Variants in ANKRD44 observed in about 807,000 individuals in gnomAD.
ANKRD44 encodes the protein ankyrin repeat domain 44.
Under a neutral mutation model 116.0 loss-of-function variants are expected in ANKRD44, and 35 were observed. The observed-to-expected ratio is 0.30, with a 90% CI of 0.23 to 0.40. The LOEUF (loss-of-function observed/expected upper bound fraction) is 0.40, where lower values mean the gene tolerates loss of function less well. Ranked by LOEUF, ANKRD44 falls within the 10% of genes least tolerant of loss-of-function variation. ANKRD44 has a pLI of 1.00. For missense variants in ANKRD44, 1,014 were observed against 1,242.6 expected (o/e 0.82, Z 2.77); for synonymous variants, 435 against 461.8 (o/e 0.94, Z 0.74).
intron 10 of ANKRD44, 92 bp from the exon 11 acceptor site, chr2:197,090,124 T>A: frequency 1.0e-6 from 1 of 961,380 alleles, no homozygotes; most frequent in Non-Finnish European, 1.7e-6. Context: ...TGATGAAAAT[T>A]AACAACACCT....
chr2:196,987,192 G>GT lies in ANKRD44; in HGVS notation c.*2398dup. 1.0e-6 allele frequency: 1 copy of GT among 985,280 alleles called. No individual in the cohort carries two copies. Among genetic ancestry groups the GT allele is most frequent in the East Asian group, 1.1e-4 (1 of 8,818 alleles). 61.0% of individuals were successfully genotyped at this position (985,280 alleles called of 1,614,324 possible). A position where few individuals can be genotyped will look rare whatever the true frequency, so the allele number is the denominator to read the frequency against. ...ATACTGACCTATGGTTTATAGTTTC[G>GT]TAAGACGAAAGCATTTTAGCACTGC... On this transcript the variant is annotated 3_prime_UTR_variant, in exon 28 of 28. Coordinates refer to ENST00000282272, the MANE Select transcript of ANKRD44 (RefSeq NM_001195144.2).
intron 9 of ANKRD44, among the ~76,000 whole-genome samples, chr2:197,103,097 A>G (rs911534369): frequency 2.0e-5 from 3 of 152,070 alleles, no homozygotes; most frequent in Non-Finnish European, 4.4e-5. Flanking sequence ...GCATGGTGGC[A>G]GACACCTGTA....
chr2:197,019,192 G>A (rs2076448711), intron 17 of ANKRD44, among the ~76,000 whole-genome samples: 1 of 152,212 alleles, frequency 6.6e-6, no homozygotes. Flanking sequence ...GAGCTATGAA[G>A]CGAGAAGGTA....
chr2:197,139,347 G>A (rs528039035), intron 3 of ANKRD44, among the ~76,000 whole-genome samples: 1 of 152,326 alleles, frequency 6.6e-6, no homozygotes, highest in African/African-American at 2.4e-5. Context: ...GGAACAGACT[G>A]AAGTTCTGTA....
intron 1 of ANKRD44, among the ~76,000 whole-genome samples, chr2:197,275,273 C>T (rs1348099366): frequency 2.0e-5 from 3 of 151,826 alleles, no homozygotes; most frequent in African/African-American, 7.3e-5. Flanking sequence ...TGCCACTACA[C>T]CCAACTAATA....
At chr2:196,979,034 G>C (rs541645536) in intron 21 of ANKRD44, among the ~76,000 whole-genome samples, 5 of 151,962 alleles carry the variant, frequency 3.3e-5, no homozygotes, top group African/African-American at 4.8e-5. Context: ...CCTAGATCTG[G>C]CACTAATTAG....
At chr2:197,074,954 G>A (rs2077634369) in intron 16 of ANKRD44, among the ~76,000 whole-genome samples, 1 of 152,108 alleles carries the variant, frequency 6.6e-6, no homozygotes, top group African/African-American at 2.4e-5. Flanking sequence ...TTTCTTCAGA[G>A]AATCCCAGAA....
intron 21 of ANKRD44, among the ~76,000 whole-genome samples, chr2:196,968,915 T>C (rs1236295800): frequency 6.6e-6 from 1 of 152,194 alleles, no homozygotes; most frequent in Non-Finnish European, 1.5e-5. Flanking sequence ...GGACCATTAG[T>C]GCTTAAATAT....
At chr2:197,082,425 C>T (rs1054102689) in intron 14 of ANKRD44, among the ~76,000 whole-genome samples, 4 of 152,226 alleles carry the variant, frequency 2.6e-5, no homozygotes, top group East Asian at 1.9e-4. Context: ...ATTGTGAAAT[C>T]GACTTAATGG....
chr2:197,042,185 G>A (rs2076922494), intron 16 of ANKRD44, among the ~76,000 whole-genome samples: 3 of 151,980 alleles, frequency 2.0e-5, no homozygotes, highest in Admixed American at 2.0e-4. Context: ...TCCACTGCGG[G>A]GTCCACCTTA....
intron 16 of ANKRD44, among the ~76,000 whole-genome samples, chr2:197,043,961 G>A (rs1456244378): frequency 1.3e-5 from 2 of 152,142 alleles, no homozygotes; most frequent in Non-Finnish European, 1.5e-5. Flanking sequence ...CTAGAAGTGT[G>A]ATTTTTATTT....
intron 1 of ANKRD44, chr2:197,198,222 C>T (rs1471083049): frequency 1.3e-5 from 2 of 152,218 alleles, no homozygotes; most frequent in Non-Finnish European, 2.9e-5. Flanking sequence ...GACAGGGATC[C>T]TATCATGGAA....
chr2:197,066,087 C>T (rs964906214), intron 16 of ANKRD44, among the ~76,000 whole-genome samples: 1 of 152,186 alleles, frequency 6.6e-6, no homozygotes, highest in Non-Finnish European at 1.5e-5. Flanking sequence ...AAAGCTTATT[C>T]ACGATGATCA....
intron 1 of ANKRD44, among the ~76,000 whole-genome samples, chr2:197,248,578 G>GTGTATATA (rs544362365): frequency 6.9e-6 from 1 of 144,226 alleles, no homozygotes; most frequent in East Asian, 2.0e-4. Flanking sequence ...GTGTGTGTGT[G>GTGTATATA]TATATATATA....
At chr2:197,092,061 T>A (rs559488051) in intron 10 of ANKRD44, among the ~76,000 whole-genome samples, 1 of 152,322 alleles carries the variant, frequency 6.6e-6, no homozygotes, top group African/African-American at 2.4e-5. Flanking sequence ...TCTTCCCTAC[T>A]ACATCTTCTT....
chr2:196,993,188 ACAAT>A (rs1480764150), intron 27 of ANKRD44, among the ~76,000 whole-genome samples: 5 of 152,240 alleles, frequency 3.3e-5, no homozygotes, highest in Non-Finnish European at 7.3e-5. Flanking sequence ...GAACTTAAAT[ACAAT>A]CAAAGATCCA....
chr2:197,113,903 T>C (rs1435932404), intron 8 of ANKRD44, among the ~76,000 whole-genome samples: 2 of 152,052 alleles, frequency 1.3e-5, no homozygotes, highest in African/African-American at 2.4e-5. Context: ...GGGAAACAGG[T>C]AGATAAGGTG....
At chr2:197,156,906 T>A (rs1345873328) in intron 2 of ANKRD44, among the ~76,000 whole-genome samples, 1 of 151,878 alleles carries the variant, frequency 6.6e-6, no homozygotes, top group Non-Finnish European at 1.5e-5. Flanking sequence ...TAATACACAG[T>A]GACAGAAAGC....
At chr2:197,243,017 C>T (rs941665089) in intron 1 of ANKRD44, among the ~76,000 whole-genome samples, 8 of 152,194 alleles carry the variant, frequency 5.3e-5, no homozygotes, top group African/African-American at 1.7e-4. Context: ...AATTATGTTG[C>T]CCTGCCTAAT....
Sources: gnomAD v4.1 joint callset for allele counts (sites outside exome capture counted in the v4.1 genomes callset) on GRCh38, gnomAD v4.1.1 for gene constraint, MANE v1.5 for transcripts, NCBI Gene and HGNC (gene_info 2026-07-23, HGNC 2026-07-21) for gene names.